The following DLG2 variants were observed in gnomAD, a reference collection of about 807,000 sequenced individuals.
DLG2 encodes the protein disks large homolog 2.
In DLG2, 45 loss-of-function variants were observed where a neutral mutation model predicts 132.5. The observed-to-expected ratio is 0.34, with a 90% CI of 0.27 to 0.44. DLG2 has a LOEUF of 0.44. DLG2 is among the 20% of genes least tolerant of loss of function. The pLI, the probability that DLG2 is intolerant of heterozygous loss-of-function variation, is 1.00. For missense variants in DLG2, 1,045 were observed against 1,196.9 expected, an observed-to-expected ratio of 0.87 and a Z score of 1.87; for synonymous variants, 424 against 419.6, an observed-to-expected ratio of 1.01 and a Z score of -0.13.
At chr11:85,259,085 T>A (rs528642936) in intron 4 of DLG2, among the ~76,000 whole-genome samples, 1 of 152,260 alleles carries the variant, frequency 6.6e-6, no homozygotes, top group South Asian at 2.1e-4. Flanking sequence ...TGGTTGTATG[T>A]CCCCACCCAA....
chr11:84,333,456 T>C (rs1567320300), intron 7 of DLG2, among the ~76,000 whole-genome samples: 1 of 152,260 alleles, frequency 6.6e-6, no homozygotes, highest in Non-Finnish European at 1.5e-5. Context: ...CTCTGCTGTA[T>C]GCTTCTACTG....
In DLG2 at chr11:85,511,111, C is replaced by T. The variant is rs2153157237; in HGVS notation, c.40+87546G>A. Among the ~76,000 whole-genome samples the T allele has an allele frequency of 1.3e-5, 2 of 152,148 alleles. 1 individual carries two copies. Among genetic ancestry groups the T allele is most frequent in the South Asian group, 4.2e-4 (2 of 4,816 alleles). On this transcript the variant is annotated intron_variant, in intron 3 of 27. Transcript: ENST00000376104. ...GCTGGAAACCATCATTCTCAGCAAA[C>T]TATCGCAAGGACAAAAAACCGAACA...
At chr11:84,378,020 G>A (rs1230297806) in intron 7 of DLG2, among the ~76,000 whole-genome samples, 2 of 152,152 alleles carry the variant, frequency 1.3e-5, no homozygotes, top group East Asian at 1.9e-4. Context: ...ATCACTGAAA[G>A]GGCCTACTAG....
At chr11:84,413,040 A>T (rs1048600138) in intron 7 of DLG2, among the ~76,000 whole-genome samples, 7 of 152,194 alleles carry the variant, frequency 4.6e-5, no homozygotes, top group Non-Finnish European at 1.0e-4. Context: ...GCTAGAAATA[A>T]GTCTTTCAAT....
intron 6 of DLG2, among the ~76,000 whole-genome samples, chr11:84,590,845 A>G (rs920393807): frequency 6.6e-6 from 1 of 152,204 alleles, no homozygotes; most frequent in African/African-American, 2.4e-5. Flanking sequence ...ATAATAACAG[A>G]AATTTAAAGC....
At chr11:85,321,081 C>G (rs983995916) in intron 3 of DLG2, among the ~76,000 whole-genome samples, 2 of 151,578 alleles carry the variant, frequency 1.3e-5, no homozygotes, top group Non-Finnish European at 2.9e-5. Flanking sequence ...ATTGAGCACT[C>G]TAGGTAAGAG....
At chr11:85,536,385 CCCTCCTTTCT>C (rs989467192) in intron 3 of DLG2, among the ~76,000 whole-genome samples, 1 of 152,192 alleles carries the variant, frequency 6.6e-6, no homozygotes, top group African/African-American at 2.4e-5. Flanking sequence ...TATTCTCCTG[CCCTCCTTTCT>C]CCTCCTTTCC....
chr11:84,486,751 C>G (rs2154494779), intron 7 of DLG2, among the ~76,000 whole-genome samples: 1 of 152,148 alleles, frequency 6.6e-6, no homozygotes, highest in African/African-American at 2.4e-5. Context: ...TACCCCAAGA[C>G]AAGGGAGTGA....
chr11:85,489,860 T>C lies in DLG2; in HGVS notation c.40+108797A>G, dbSNP rs1039519712. ...TTATGAAGGAATTTTTTTAATGTTT[T>C]CAACTTTTCTTTGAAAGGACATGCA... On this transcript the variant is annotated intron_variant, in intron 3 of 27. Coordinates refer to ENST00000376104, the MANE Select transcript of DLG2 (RefSeq NM_001142699.3). 2.7e-5 allele frequency among the ~76,000 whole-genome samples: 4 copies of C among 148,822 alleles called. No homozygotes were observed. The East Asian group carries it at 5.9e-4, about 22-fold the overall frequency.
intron 5 of DLG2, among the ~76,000 whole-genome samples, chr11:85,135,000 T>C (rs900499072): frequency 6.6e-6 from 1 of 152,190 alleles, no homozygotes; most frequent in Non-Finnish European, 1.5e-5. Flanking sequence ...TTTGAAAAGG[T>C]CAAAGAAACA....
At chr11:83,627,358 C>G (rs1207096205) in intron 19 of DLG2, among the ~76,000 whole-genome samples, 1 of 151,894 alleles carries the variant, frequency 6.6e-6, no homozygotes, top group Non-Finnish European at 1.5e-5. Context: ...TCCCTCCCCT[C>G]TTCCCCCACC....
At chr11:85,021,781 C>A in intron 6 of DLG2, 2 of 531,326 alleles carry the variant, frequency 3.8e-6, no homozygotes, top group Non-Finnish European at 3.5e-6. Context: ...ACGTGGAGAA[C>A]CTGACTGCTG....
chr11:84,218,489 T>C (rs1427526532), intron 8 of DLG2, among the ~76,000 whole-genome samples: 1 of 152,136 alleles, frequency 6.6e-6, no homozygotes, highest in Non-Finnish European at 1.5e-5. Flanking sequence ...TATCTACATA[T>C]TACTGGGTGA....
intron 5 of DLG2, among the ~76,000 whole-genome samples, chr11:85,132,295 T>C (rs1484636758): frequency 6.6e-6 from 1 of 152,176 alleles, no homozygotes; most frequent in African/African-American, 2.4e-5. Flanking sequence ...AAATGCAGAA[T>C]ATCAGAATTC....
intron 3 of DLG2, among the ~76,000 whole-genome samples, chr11:85,478,951 C>G (rs59697874): frequency 0.01 from 1,579 of 152,182 alleles, 27 homozygotes; most frequent in African/African-American, 0.036. Flanking sequence ...AAATGTTACC[C>G]TTATGGTCTT....
At chr11:83,818,685 G>T (rs937413734) in intron 17 of DLG2, among the ~76,000 whole-genome samples, 1 of 152,118 alleles carries the variant, frequency 6.6e-6, no homozygotes, top group East Asian at 1.9e-4. Flanking sequence ...GTTAGTAAGG[G>T]TATGAAAGCT....
chr11:83,653,037 T>A (rs1230545706), intron 18 of DLG2, among the ~76,000 whole-genome samples: 2 of 152,076 alleles, frequency 1.3e-5, no homozygotes, highest in African/African-American at 4.8e-5. Flanking sequence ...AGCTAGAAAA[T>A]GTTGGTGGCA....
chr11:83,913,284 T>C (rs900652584), intron 15 of DLG2, among the ~76,000 whole-genome samples: 2 of 152,110 alleles, frequency 1.3e-5, no homozygotes, highest in Non-Finnish European at 2.9e-5. Context: ...GTATTCTCAG[T>C]TGATGGCACA....
intron 6 of DLG2, among the ~76,000 whole-genome samples, chr11:84,784,109 C>A (rs2072346768): frequency 1.7e-5 from 2 of 116,064 alleles, no homozygotes; most frequent in Admixed American, 2.4e-4. Flanking sequence ...ACCAGCCTGG[C>A]CAATATAGTG....
Sources: gnomAD v4.1 joint callset for allele counts (sites outside exome capture counted in the v4.1 genomes callset) on GRCh38, gnomAD v4.1.1 for gene constraint, MANE v1.5 for transcripts, NCBI Gene and HGNC (gene_info 2026-07-23, HGNC 2026-07-21) for gene names.